Variants in SGO2 observed in about 807,000 individuals in gnomAD.
The protein encoded by SGO2 is shugoshin-like 2.
Under a neutral mutation model 99.5 loss-of-function variants are expected in SGO2, and 68 were observed. The observed-to-expected ratio is 0.68, with a 90% CI of 0.56 to 0.84. SGO2 has a LOEUF of 0.84. Among genes scored for constraint, SGO2 ranks in the 40% least tolerant of loss-of-function variants. The probability of loss-of-function intolerance (pLI) is 0.00; values close to 1 mark genes in which losing one functional copy is unlikely to be tolerated. For missense variants in SGO2, 1,350 were observed against 1,436.7 expected (o/e 0.94, Z 0.97); for synonymous variants, 457 against 487.1 (o/e 0.94, Z 0.81).
Position 200,582,628 on chromosome 2 carries a change from T to G in SGO2, c.3783-821T>G, listed in dbSNP as rs539541105. 1.8e-4 allele frequency among the ~76,000 whole-genome samples: 28 copies of G among 152,246 alleles called. No homozygotes were observed. In the South Asian group the frequency reaches 4.8e-3, roughly 26 times the overall value. On this transcript the variant is annotated intron_variant, in intron 8 of 8. Transcript: ENST00000357799. The stretch of plus-strand genomic sequence containing the variant: ...GATTTAGTATAATTAGTGCATGAAC[T>G]ATAGTGCTCTGTTGTCTATTAGAAG...
intron 4 of SGO2, among the ~76,000 whole-genome samples, chr2:200,537,428 T>C (rs1231233049): frequency 6.6e-6 from 1 of 152,188 alleles, no homozygotes; most frequent in Non-Finnish European, 1.5e-5. Context: ...CCCAAGCCAA[T>C]TGGGTTTTCA....
Position 200,532,279 on chromosome 2 carries a change from T to G in SGO2, c.-2-695T>G, listed in dbSNP as rs13392629. On this transcript the variant is annotated intron_variant, in intron 1 of 8. Coordinates refer to ENST00000357799, the MANE Select transcript of SGO2 (RefSeq NM_152524.6). Reference sequence around the variant, plus strand: ...CAGGTGACAGAGTTTTTTGTTTTTTTTTTTGTTTTTTTTTTTTTTTCAGAT... The same window carrying G: ...CAGGTGACAGAGTTTTTTGTTTTTTGTTTTGTTTTTTTTTTTTTTTCAGAT... 319 of 401,838 alleles carry G rather than the reference T, an allele frequency of 7.9e-4. 2 individuals are homozygous for G. The highest frequency in any genetic ancestry group is 4.0e-3 in the African/African-American group (162 of 40,170). 24.9% of individuals were successfully genotyped at this position (401,838 alleles called of 1,614,324 possible).
At chr2:200,530,664 A>C (rs2031328231) in intron 1 of SGO2, among the ~76,000 whole-genome samples, 1 of 152,158 alleles carries the variant, frequency 6.6e-6, no homozygotes, top group African/African-American at 2.4e-5. Flanking sequence ...AGGAACAGGT[A>C]GGTAGGTAGG....
Position 200,527,702 on chromosome 2 carries a change from C to A in SGO2, c.-3+1450C>A, listed in dbSNP as rs1302531198. Among the ~76,000 whole-genome samples, 3 of 152,230 alleles carry A rather than the reference C, an allele frequency of 2.0e-5. No homozygotes were observed. In the East Asian group the frequency reaches 5.8e-4, roughly 29 times the overall value. ...ACTTCTTCCACAAATGTTTATCCAG[C>A]AGCTGCTATGTGGCAGGCACATTTC... On this transcript the variant is annotated intron_variant, in intron 1 of 8. Coordinates refer to ENST00000357799, the MANE Select transcript of SGO2 (RefSeq NM_152524.6).
Position 200,573,601 on chromosome 2 carries a change from C to T in SGO2, c.3255C>T (p.Ser1085=). 1 of 1,610,334 alleles carries T rather than the reference C, an allele frequency of 6.2e-7. No individual in the cohort carries two copies. Among genetic ancestry groups the T allele is most frequent in the Non-Finnish European group, 8.5e-7 (1 of 1,178,860 alleles). ...CTAAGTCAAAGAAAAGGAAGACCTC[C>T]ATAGATCCTTCTCCAGAGAGCCATG... is the stretch of plus-strand genomic sequence containing the variant. ...MTSKSKKRKT[S]IDPSPESHEV... is the part of the protein sequence containing the mutation. Residue 1085 remains serine (S), a synonymous_variant, in exon 7 of 9, where the codon TCC becomes TCT. Transcript: ENST00000357799.
chr2:200,578,657 G>A (rs1001050833), intron 8 of SGO2, among the ~76,000 whole-genome samples: 8 of 152,182 alleles, frequency 5.3e-5, no homozygotes, highest in Admixed American at 3.3e-4. Context: ...TTCAAAGCCA[G>A]CTGTGGAGAA....
intron 5 of SGO2, among the ~76,000 whole-genome samples, chr2:200,550,105 C>A (rs2577283): frequency 0.79 from 120,262 of 151,910 alleles, 47,802 homozygotes; most frequent in Non-Finnish European, 0.83. Context: ...CATTTATCAT[C>A]GCTACAAAAA....
chr2:200,557,235 C>A (rs2032754841), intron 5 of SGO2, among the ~76,000 whole-genome samples: 2 of 152,190 alleles, frequency 1.3e-5, no homozygotes, highest in African/African-American at 4.8e-5. Context: ...GGGACTCTAA[C>A]CCTCATAAGT....
chr2:200,534,784 A>C (rs1420388869), intron 2 of SGO2, among the ~76,000 whole-genome samples: 1 of 151,458 alleles, frequency 6.6e-6, no homozygotes, highest in Non-Finnish European at 1.5e-5. Flanking sequence ...ATTCCTCACA[A>C]CTCTTGAATT....
At chr2:200,540,878 GTTTTC>G (rs1052743769) in intron 4 of SGO2, among the ~76,000 whole-genome samples, 2 of 152,122 alleles carry the variant, frequency 1.3e-5, no homozygotes, top group African/African-American at 2.4e-5. Flanking sequence ...GTAATTTATT[GTTTTC>G]TTTTCTTTTT....
chr2:200,580,591 G>T, intron 8 of SGO2: 2 of 336,036 alleles, frequency 6.0e-6, no homozygotes, highest in South Asian at 2.3e-5. Flanking sequence ...CAATACTTTG[G>T]GTGGCTGAGG....
At chr2:200,566,351 G>A (rs768754839) in intron 5 of SGO2, among the ~76,000 whole-genome samples, 3 of 152,188 alleles carry the variant, frequency 2.0e-5, no homozygotes. Context: ...GACCCTGTTT[G>A]CCTGGGTATC....
At chr2:200,557,142 G>A (rs1014177728) in intron 5 of SGO2, among the ~76,000 whole-genome samples, 1 of 152,140 alleles carries the variant, frequency 6.6e-6, no homozygotes, top group Admixed American at 6.5e-5. Flanking sequence ...AGAGAAGAGT[G>A]GTTAATGTCC....
Position 200,571,385 on chromosome 2 carries a change from C to A in SGO2, c.1039C>A (p.Gln347Lys). Residue 347 changes from glutamine (Q) to lysine (K), a missense_variant, in exon 7 of 9, where the codon CAA becomes AAA. Physicochemically the swap from Gln to Lys is moderately conservative, Grantham distance 53. Coordinates refer to ENST00000357799, the MANE Select transcript of SGO2 (RefSeq NM_152524.6). ...AREPNAECMN[Q>K]IEDNDDFQLQ... The stretch of plus-strand genomic sequence containing the variant: ...AGAACCTAATGCAGAGTGCATGAAT[C>A]AAATTGAGGATAATGATGACTTTCA... 1 of 1,610,466 alleles carries A rather than the reference C, an allele frequency of 6.2e-7. No individual in the cohort carries two copies. Among genetic ancestry groups the A allele is most frequent in the South Asian group, 1.1e-5 (1 of 90,788 alleles).
At chr2:200,563,551 A>G (rs2033061759) in intron 5 of SGO2, among the ~76,000 whole-genome samples, 1 of 152,188 alleles carries the variant, frequency 6.6e-6, no homozygotes, top group Admixed American at 6.5e-5. Flanking sequence ...AGGCTTTGGT[A>G]TCAGGATGAT....
At chr2:200,526,176 G>GT (rs2031069238), upstream of SGO2, 1 of 152,396 alleles carries the variant, frequency 6.6e-6, no homozygotes, top group South Asian at 2.1e-4. This position sits in a 1 kb window ranked among gnomAD's most constrained non-coding sequence, Gnocchi z 4.8. Flanking sequence ...CGGCTGTGGC[G>GT]TTTAAACCCA....
At position 200,532,989 on chromosome 2, in the gene SGO2, T is replaced by C; in HGVS notation, c.14T>C (p.Val5Ala). The C allele has an allele frequency of 6.2e-7, 1 of 1,609,480 alleles. No individual in the cohort carries two copies. The highest frequency in any genetic ancestry group is 8.5e-7 in the Non-Finnish European group (1 of 1,178,828). The change falls in exon 2 of 9, where the codon GTG becomes GCG. Residue 5 changes from valine to alanine, a missense_variant. Transcript: ENST00000357799. ...TTCACTTCAGTGATGGAGTGCCCAG[T>C]GATGGAAACTGGCTCACTTTTTACC... MECP[V>A]METGSLFTSG... is the part of the protein sequence containing the mutation.
chr2:200,564,817 G>A (rs895395160), intron 5 of SGO2, among the ~76,000 whole-genome samples: 1 of 152,116 alleles, frequency 6.6e-6, no homozygotes, highest in African/African-American at 2.4e-5. Context: ...ATTATGTAAT[G>A]GCCTTCTTTG....
Position 200,572,723 on chromosome 2 carries a change from G to A in SGO2, c.2377G>A (p.Asp793Asn). 4 of 1,612,994 alleles carry A rather than the reference G, an allele frequency of 2.5e-6. No homozygotes were observed. Among genetic ancestry groups the A allele is most frequent in the South Asian group, 1.1e-5 (1 of 90,858 alleles). ...QNVLGVKHGHDMQPACQNDSK... is the reference protein window; with the variant it reads ...QNVLGVKHGHNMQPACQNDSK... ...TGTTTTGGGGGTGAAACATGGCCAT[G>A]ATATGCAACCTGCTTGTCAAAATGA... The change falls in exon 7 of 9, where the codon GAT becomes AAT. Residue 793 changes from aspartate (D) to asparagine (N), a missense_variant. By Grantham distance (23) the Asp-to-Asn change is conservative. Coordinates refer to ENST00000357799, the MANE Select transcript of SGO2 (RefSeq NM_152524.6).
Sources: allele counts gnomAD v4.1 joint callset (sites outside exome capture counted in the v4.1 genomes callset), GRCh38; gene constraint gnomAD v4.1.1; non-coding constraint Gnocchi (gnomAD v3.1); transcripts MANE v1.5; gene names NCBI Gene and HGNC (gene_info 2026-07-23, HGNC 2026-07-21).